The following LRIG1 variants were observed in gnomAD, a reference collection of about 807,000 sequenced individuals.
LRIG1 encodes the protein leucine-rich repeats and immunoglobulin-like domains protein 1.
LRIG1 carries 48 observed loss-of-function variants against 99.2 expected under a neutral mutation model. The observed-to-expected ratio is 0.48, with a 90% CI of 0.38 to 0.62. LRIG1 has a LOEUF of 0.62. Among genes scored for constraint, LRIG1 ranks in the 20% least tolerant of loss-of-function variants. The probability of loss-of-function intolerance (pLI) is 0.00; values close to 1 mark genes in which losing one functional copy is unlikely to be tolerated. For missense variants in LRIG1, 1,646 were observed against 1,434.4 expected, an observed-to-expected ratio of 1.15 and a Z score of -2.38; for synonymous variants, 772 against 596.1, an observed-to-expected ratio of 1.29 and a Z score of -4.30.
chr3:66,424,997 T>C (rs546902767), intron 3 of LRIG1, among the ~76,000 whole-genome samples: 12 of 152,338 alleles, frequency 7.9e-5, no homozygotes, highest in Admixed American at 6.5e-4. Context: ...AATGCATTTT[T>C]TGCTTAATGA....
At chr3:66,416,903 C>A (rs1702631868) in intron 4 of LRIG1, among the ~76,000 whole-genome samples, 1 of 152,232 alleles carries the variant, frequency 6.6e-6, no homozygotes, top group Admixed American at 6.5e-5. Context: ...TGTCCCTTGT[C>A]TGTCTGTAAT....
chr3:66,469,999 CA>C (rs1393466209), intron 1 of LRIG1, among the ~76,000 whole-genome samples: 1 of 151,662 alleles, frequency 6.6e-6, no homozygotes, highest in Non-Finnish European at 1.5e-5. Flanking sequence ...TCAGTAGCTA[CA>C]AATTGGTAGT....
Position 66,500,315 on chromosome 3 carries a change from C to G in LRIG1, c.93G>C (p.Val31=). The change falls in exon 1 of 19, where the codon GTG becomes GTC. Residue 31 remains valine (V), a synonymous_variant. Transcript: ENST00000273261. The stretch of plus-strand genomic sequence containing the variant: ...GCGCCCGCGGGCCGGCCGCGGCGGT[C>G]ACCGGCTCCAGCCGAAGCAAAAGCA... ...LWLLLLRLEP[V]TAAAGPRAPC... 1 of 1,481,568 alleles carries G rather than the reference C, an allele frequency of 6.7e-7. No individual in the cohort carries two copies. The highest frequency in any genetic ancestry group is 2.7e-5 in the East Asian group (1 of 36,580). 91.8% of individuals were successfully genotyped at this position (1,481,568 alleles called of 1,614,324 possible).
At position 66,380,399 on chromosome 3, in the gene LRIG1, C is replaced by A; in HGVS notation, c.3146G>T (p.Arg1049Leu). The A allele has an allele frequency of 6.2e-7, 1 of 1,614,182 alleles. No homozygotes were observed. Among genetic ancestry groups the A allele is most frequent in the Non-Finnish European group, 8.5e-7 (1 of 1,180,038 alleles). The change falls in exon 19 of 19, where the codon CGC becomes CTC. Residue 1049 changes from arginine (R) to leucine (L), a missense_variant. Arg to Leu is a moderately radical substitution (Grantham distance 102, BLOSUM62 -2). Transcript: ENST00000273261. The part of the protein sequence containing the change: ...ASSLTSGSPE[R>L]AEAQYLLVSN... Reference sequence around the variant, plus strand: ...AACAAGCAAGTACTGGGCTTCCGCGCGCTCTGGACTGCCTGAAGTTAATGA... The same window carrying A: ...AACAAGCAAGTACTGGGCTTCCGCGAGCTCTGGACTGCCTGAAGTTAATGA...
At chr3:66,429,081 C>T (rs1305663000) in intron 3 of LRIG1, among the ~76,000 whole-genome samples, 1 of 152,240 alleles carries the variant, frequency 6.6e-6, no homozygotes. Context: ...AACCAACCTC[C>T]CAACCCGTTC....
intron 3 of LRIG1, among the ~76,000 whole-genome samples, chr3:66,449,282 G>A (rs142712716): frequency 6.6e-6 from 1 of 152,300 alleles, no homozygotes; most frequent in East Asian, 1.9e-4. Context: ...GGGGAACACA[G>A]GCACCTCAGA....
chr3:66,386,126 G>A lies in LRIG1; in HGVS notation c.1644C>T (p.Val548=), dbSNP rs2306273. The stretch of plus-strand genomic sequence containing the variant: ...CCATCACTTCCCCGTCCTGCGCGTG[G>A]ACGTGGACAAAGTTCTCCATGTCTG... ...TNADMENFVH[V]HAQDGEVMEY... The change falls in exon 13 of 19, where the codon GTC becomes GTT. Residue 548 remains valine (V), a synonymous_variant. Transcript: ENST00000273261. The A allele has an allele frequency of 3.1e-6, 5 of 1,614,028 alleles. No homozygotes were observed. Among genetic ancestry groups the A allele is most frequent in the South Asian group, 1.1e-5 (1 of 91,078 alleles).
Position 66,401,542 on chromosome 3 carries a change from T to C in LRIG1, c.1161-2501A>G. The stretch of plus-strand genomic sequence containing the variant: ...TTTAACGGTGACAATAGCAATAAAA[T>C]AAATTCTCAAATTCTCAATTATGCA... On this transcript the variant is annotated intron_variant, in intron 9 of 18. Transcript: ENST00000273261. 2.6e-6 allele frequency: 3 copies of C among 1,149,682 alleles called. No individual in the cohort carries two copies. In the South Asian group the frequency reaches 5.2e-5, roughly 20 times the overall value. The allele number at this position is 1,149,682 out of a possible 1,614,324, so 71.2% of individuals were successfully genotyped here.
At chr3:66,384,372 G>A in intron 13 of LRIG1, 100 bp from the exon 14 acceptor site, 1 of 1,290,510 alleles carries the variant, frequency 7.7e-7, no homozygotes, top group South Asian at 1.4e-5. Context: ...CCCAGTGCCA[G>A]TTCACTTCTT....
At chr3:66,386,335 G>A (rs1701373363) in intron 12 of LRIG1, 34 bp from the exon 13 acceptor site, 1 of 1,575,066 alleles carries the variant, frequency 6.3e-7, no homozygotes, top group African/African-American at 1.4e-5. Context: ...AAAGCGCTGG[G>A]TTCTTGGTAC....
intron 3 of LRIG1, among the ~76,000 whole-genome samples, chr3:66,429,036 G>A (rs1703070972): frequency 1.3e-5 from 2 of 152,172 alleles, no homozygotes; most frequent in South Asian, 4.1e-4. Context: ...CGCCAGGCAG[G>A]GTCAACCTCT....
At chr3:66,382,511 G>A in intron 15 of LRIG1, 113 bp from the exon 16 acceptor site, 1 of 1,235,608 alleles carries the variant, frequency 8.1e-7, no homozygotes, top group Non-Finnish European at 1.2e-6. Context: ...CATCAGCGCT[G>A]TGCAGAGAGA....
chr3:66,382,913 C>A, intron 15 of LRIG1, 69 bp downstream of exon 15: 1 of 1,439,342 alleles, frequency 6.9e-7, no homozygotes, highest in Non-Finnish European at 9.4e-7. Context: ...CACTGGAACC[C>A]GGCCCAGTTC....
At chr3:66,424,422 C>A (rs1702914346) in intron 3 of LRIG1, among the ~76,000 whole-genome samples, 1 of 152,186 alleles carries the variant, frequency 6.6e-6, no homozygotes. Context: ...CCACCTCCTG[C>A]CTGAGAGTTG....
At position 66,380,740 on chromosome 3, in the gene LRIG1, G is replaced by A. The variant is rs752489562; in HGVS notation, c.2892C>T (p.Gly964=). The A allele has an allele frequency of 9.3e-6, 15 of 1,614,220 alleles. No individual in the cohort carries two copies. Among genetic ancestry groups the A allele is most frequent in the Non-Finnish European group, 1.3e-5 (15 of 1,180,046 alleles). Residue 964 remains glycine (G), a synonymous_variant, in exon 18 of 19, where the codon GGC becomes GGT. Coordinates refer to ENST00000273261, the MANE Select transcript of LRIG1 (RefSeq NM_015541.3). ...RDSAQPSAPN[G]PEPGGSDQEH... ...CTTGGTCACTCCCACCCGGCTCCGG[G>A]CCATTTGGCGCACTTGGCTGTGCGC...
At chr3:66,393,979 A>G in intron 12 of LRIG1, 61 bp downstream of exon 12, 1 of 1,561,696 alleles carries the variant, frequency 6.4e-7, no homozygotes, top group Non-Finnish European at 8.8e-7. Flanking sequence ...CATAATGAAG[A>G]GTACCTCCTG....
chr3:66,421,036 T>C (rs1359025916), intron 3 of LRIG1, among the ~76,000 whole-genome samples: 3 of 152,180 alleles, frequency 2.0e-5, no homozygotes, highest in South Asian at 2.1e-4. Flanking sequence ...TCAGGTCTTA[T>C]GAGACTCATT....
chr3:66,468,268 T>C (rs892813248), intron 1 of LRIG1, among the ~76,000 whole-genome samples: 2 of 152,180 alleles, frequency 1.3e-5, no homozygotes, highest in African/African-American at 2.4e-5. Flanking sequence ...ACAACAGAAT[T>C]ATCACTTCAT....
Position 66,381,526 on chromosome 3 carries a change from C to T in LRIG1, c.2723G>A (p.Trp908Ter), listed in dbSNP as rs1701063490. Reference sequence around the variant, plus strand: ...CCCTTCAGCTTTCTCCATCGCTTTCCACGGCTCTTTGTGATACGCAGACCC... The same window carrying T: ...CCCTTCAGCTTTCTCCATCGCTTTCTACGGCTCTTTGTGATACGCAGACCC... ...CAGSAYHKEP[W>*]KAMEKAEGTP... The change falls in exon 17 of 19, where the codon TGG becomes TAG. Residue 908 changes from tryptophan (W) to a stop codon, truncating the protein, a stop_gained. Transcript: ENST00000273261. LOFTEE classifies it high-confidence loss of function. 1 of 1,613,952 alleles carries T rather than the reference C, an allele frequency of 6.2e-7. No homozygotes were observed. The highest frequency in any genetic ancestry group is 8.5e-7 in the Non-Finnish European group (1 of 1,179,968).
Sources: allele counts gnomAD v4.1 joint callset (sites outside exome capture counted in the v4.1 genomes callset), GRCh38; gene constraint gnomAD v4.1.1; transcripts MANE v1.5; gene names NCBI Gene and HGNC (gene_info 2026-07-23, HGNC 2026-07-21).